Variants in KAZN observed in about 807,000 individuals in gnomAD.
KAZN encodes kazrin.
In KAZN, 40 loss-of-function variants were observed where a neutral mutation model predicts 87.4. The ratio of observed to expected loss-of-function variants is 0.46; its 90% CI spans 0.36 to 0.60. The LOEUF is 0.60. Among genes scored for constraint, KAZN ranks in the 20% least tolerant of loss-of-function variants. The pLI is 0.00. For missense variants in KAZN, 898 were observed against 1,073.9 expected (o/e 0.84, Z 2.29); for synonymous variants, 466 against 458.3 (o/e 1.02, Z -0.22).
At chr1:14,575,671 G>C (rs1225772956) in intron 2 of KAZN, among the ~76,000 whole-genome samples, 1 of 152,166 alleles carries the variant, frequency 6.6e-6, no homozygotes, top group African/African-American at 2.4e-5. Context: ...CAGTGGTCAT[G>C]ATTAAATGGA....
intron 1 of KAZN, among the ~76,000 whole-genome samples, chr1:14,625,373 A>G (rs1489787332): frequency 6.6e-6 from 1 of 152,162 alleles, no homozygotes. Context: ...GCTCCCTACT[A>G]TCCGAGGATA....
At chr1:14,231,807 A>C (rs1190837152) in intron 2 of KAZN, among the ~76,000 whole-genome samples, 1 of 152,176 alleles carries the variant, frequency 6.6e-6, no homozygotes, top group Non-Finnish European at 1.5e-5. Context: ...AGTACAGCAA[A>C]CATTTATTTC....
At chr1:14,082,510 T>C (rs1336590440) in intron 1 of KAZN, among the ~76,000 whole-genome samples, 1 of 152,128 alleles carries the variant, frequency 6.6e-6, no homozygotes, top group Non-Finnish European at 1.5e-5. Flanking sequence ...AGTCAACCCT[T>C]GATTGCATCC....
rs988277418 is a variant in KAZN, at chr1:15,095,048, C to T, written c.1547+115C>T. 4.2e-6 allele frequency: 3 copies of T among 709,060 alleles called. No homozygotes were observed. The African/African-American group carries it at 5.3e-5, about 12-fold the overall frequency. 43.9% of individuals were successfully genotyped at this position (709,060 alleles called of 1,614,324 possible). On this transcript the variant is annotated intron_variant, in intron 10 of 14. Coordinates refer to ENST00000376030, the MANE Select transcript of KAZN (RefSeq NM_201628.3). Reference sequence around the variant, plus strand: ...GGCTGAACCAGGTGGTGGGGGACAGCAGGGTGTGACTAAGATGGTCCGGGG... The same window carrying T: ...GGCTGAACCAGGTGGTGGGGGACAGTAGGGTGTGACTAAGATGGTCCGGGG...
At chr1:14,090,928 A>G (rs1003571999) in intron 1 of KAZN, among the ~76,000 whole-genome samples, 2 of 152,018 alleles carry the variant, frequency 1.3e-5, no homozygotes, top group Non-Finnish European at 2.9e-5. Context: ...CCTGGCCAAC[A>G]TGGTGAAACC....
At position 15,054,770 on chromosome 1, in the gene KAZN, A is replaced by G. The variant is rs12043271; in HGVS notation, c.727-1321A>G. On this transcript the variant is annotated intron_variant, in intron 4 of 14. Coordinates refer to ENST00000376030, the MANE Select transcript of KAZN (RefSeq NM_201628.3). ...TTCTAATAAAACCCCAGATATTCTA[A>G]GGGGAGATAACACAGCTGAAAGAGG... Among the ~76,000 whole-genome samples, 650 of 152,368 alleles carry G rather than the reference A, an allele frequency of 4.3e-3. 3 individuals are homozygous for G. Among genetic ancestry groups the G allele is most frequent in the South Asian group, 0.042 (205 of 4,830 alleles).
intron 2 of KAZN, among the ~76,000 whole-genome samples, chr1:14,963,395 G>A (rs1664109897): frequency 6.6e-6 from 1 of 152,204 alleles, no homozygotes; most frequent in African/African-American, 2.4e-5. Context: ...CTTGACCAGG[G>A]TGGCAGAGCT....
intron 1 of KAZN, among the ~76,000 whole-genome samples, chr1:13,919,445 T>C (rs1040837221): frequency 3.3e-5 from 5 of 152,238 alleles, no homozygotes; most frequent in African/African-American, 4.8e-5. Context: ...GTTTAATATG[T>C]CTACACTTAA....
intron 1 of KAZN, among the ~76,000 whole-genome samples, chr1:13,918,691 G>T (rs1034519795): frequency 2.6e-5 from 4 of 152,214 alleles, no homozygotes; most frequent in Non-Finnish European, 5.9e-5. Context: ...CTGTTGTCTT[G>T]TTTTAAGAAA....
chr1:14,456,721 C>T (rs758158395), intron 2 of KAZN, among the ~76,000 whole-genome samples: 2 of 152,054 alleles, frequency 1.3e-5, no homozygotes, highest in African/African-American at 4.8e-5. Context: ...TTATATGCAC[C>T]CTTTCATAGG....
intron 1 of KAZN, among the ~76,000 whole-genome samples, chr1:14,616,726 G>A (rs1050734767): frequency 2.0e-5 from 3 of 152,184 alleles, no homozygotes; most frequent in African/African-American, 7.2e-5. Context: ...TTGGAGCTGC[G>A]ATCTCAGGGT....
At chr1:14,779,553 C>T (rs186756413) in intron 1 of KAZN, among the ~76,000 whole-genome samples, 45 of 151,454 alleles carry the variant, frequency 3.0e-4, no homozygotes, top group Non-Finnish European at 5.7e-4. Flanking sequence ...CCCCTGACCT[C>T]GCAGAAATAC....
At chr1:13,996,561 G>T (rs1338947200) in intron 1 of KAZN, among the ~76,000 whole-genome samples, 3 of 152,336 alleles carry the variant, frequency 2.0e-5, no homozygotes, top group East Asian at 1.9e-4. Flanking sequence ...GTCTCCCACA[G>T]CCCAACACAC....
intron 2 of KAZN, among the ~76,000 whole-genome samples, chr1:14,303,535 G>A (rs1383079505): frequency 2.0e-5 from 3 of 152,140 alleles, no homozygotes; most frequent in Non-Finnish European, 2.9e-5. Flanking sequence ...GAGCCACTGC[G>A]CCCAGACGGG....
intron 2 of KAZN, among the ~76,000 whole-genome samples, chr1:14,548,629 C>T (rs1342828823): frequency 2.0e-5 from 3 of 152,192 alleles, no homozygotes; most frequent in African/African-American, 7.2e-5. Context: ...TTTCTAAGCT[C>T]AATATTCTAT....
chr1:14,056,327 C>T (rs904870918), intron 1 of KAZN, among the ~76,000 whole-genome samples: 42 of 152,288 alleles, frequency 2.8e-4, no homozygotes, highest in African/African-American at 1.0e-3. Flanking sequence ...AGGGTTCTTC[C>T]ATGATGAAGG....
At chr1:14,623,236 A>G (rs1678853399) in intron 1 of KAZN, among the ~76,000 whole-genome samples, 1 of 152,230 alleles carries the variant, frequency 6.6e-6, no homozygotes, top group Admixed American at 6.5e-5. Context: ...TGTCAATGGT[A>G]GACTGGATAA....
intron 1 of KAZN, among the ~76,000 whole-genome samples, chr1:14,641,454 T>A (rs1017797706): frequency 6.6e-6 from 1 of 152,150 alleles, no homozygotes; most frequent in Admixed American, 6.5e-5. Flanking sequence ...CCATGCAGGA[T>A]TGGCATGAGG....
intron 2 of KAZN, among the ~76,000 whole-genome samples, chr1:14,509,948 G>A (rs967696804): frequency 6.6e-6 from 1 of 152,188 alleles, no homozygotes; most frequent in African/African-American, 2.4e-5. Flanking sequence ...GGATTCATTA[G>A]TACAAAGGCT....
Sources: gnomAD v4.1 joint callset for allele counts (sites outside exome capture counted in the v4.1 genomes callset) on GRCh38, gnomAD v4.1.1 for gene constraint, MANE v1.5 for transcripts, NCBI Gene and HGNC (gene_info 2026-07-23, HGNC 2026-07-21) for gene names.